Variants in PLEKHM3 observed in about 807,000 individuals in gnomAD.
PLEKHM3 encodes the protein pleckstrin homology domain-containing family M member 3.
Under a neutral mutation model 81.8 loss-of-function variants are expected in PLEKHM3, and 45 were observed. That is an observed-to-expected ratio of 0.55 (90% CI 0.43 to 0.71). PLEKHM3 has a LOEUF of 0.71. Ranked by LOEUF, PLEKHM3 falls within the 30% of genes least tolerant of loss-of-function variation. The pLI is 0.00. For synonymous variants in PLEKHM3, 352 were observed against 356.4 expected, an observed-to-expected ratio of 0.99 and a Z score of 0.14; for missense variants, 788 against 924.3, an observed-to-expected ratio of 0.85 and a Z score of 1.91.
chr2:207,901,403 C>T (rs1209296630), intron 6 of PLEKHM3: 4 of 698,520 alleles, frequency 5.7e-6, no homozygotes, highest in South Asian at 3.0e-5. Flanking sequence ...GGCCCCATCA[C>T]CAAAACACCA....
In PLEKHM3 at chr2:207,845,802, G is replaced by GTT. The variant is rs1485995853; in HGVS notation, c.2108+15302_2108+15303insAA. On this transcript the variant is annotated intron_variant, in intron 7 of 7. Coordinates refer to ENST00000427836, the MANE Select transcript of PLEKHM3 (RefSeq NM_001080475.3). ...CAGTTACTAAGTGTTGTCTTAGATG[G>GTT]AGCAGTGAGCAAAATATAAAAAGTC... Among the ~76,000 whole-genome samples the GTT allele has an allele frequency of 1.0e-3, 159 of 152,270 alleles. 1 individual carries two copies. The highest frequency in any genetic ancestry group is 3.8e-3 in the African/African-American group (156 of 41,544).
chr2:207,898,492 G>A (rs1483888559), intron 6 of PLEKHM3, among the ~76,000 whole-genome samples: 2 of 152,268 alleles, frequency 1.3e-5, no homozygotes, highest in East Asian at 1.9e-4. Context: ...GCTGGCTCAC[G>A]CCTGTAATCC....
At chr2:207,915,975 C>T (rs1045118261) in intron 5 of PLEKHM3, among the ~76,000 whole-genome samples, 10 of 152,180 alleles carry the variant, frequency 6.6e-5, no homozygotes, top group Admixed American at 1.3e-4. Flanking sequence ...GCTGCAAACT[C>T]TTCCTGAAAT....
intron 5 of PLEKHM3, among the ~76,000 whole-genome samples, chr2:207,916,980 T>A (rs971844578): frequency 1.3e-5 from 2 of 152,192 alleles, no homozygotes; most frequent in Non-Finnish European, 2.9e-5. Flanking sequence ...TTTACAGTGC[T>A]GATATTGGTA....
chr2:207,982,866 C>T (rs1320896782), intron 2 of PLEKHM3, among the ~76,000 whole-genome samples: 1 of 152,082 alleles, frequency 6.6e-6, no homozygotes, highest in Non-Finnish European at 1.5e-5. Context: ...GCATGAGCCA[C>T]CGCGCCCGGC....
chr2:207,997,236 G>A (rs1203938979), intron 2 of PLEKHM3, among the ~76,000 whole-genome samples: 1 of 152,064 alleles, frequency 6.6e-6, no homozygotes. Flanking sequence ...TCATTATACC[G>A]GAGCCCAATT....
chr2:207,923,905 ATTTTTT>A (rs869041855), intron 5 of PLEKHM3, among the ~76,000 whole-genome samples: 4 of 28,334 alleles, frequency 1.4e-4, no homozygotes, highest in African/African-American at 5.0e-4. Flanking sequence ...ATATATATAT[ATTTTTT>A]TTTTTTTTTT....
chr2:207,977,770 G>A (rs780739028), intron 2 of PLEKHM3, among the ~76,000 whole-genome samples, 184 bp from the exon 3 acceptor site: 4 of 152,096 alleles, frequency 2.6e-5, no homozygotes, highest in Non-Finnish European at 2.9e-5. Flanking sequence ...AGAAATAGCC[G>A]GGGAAATCTC....
At chr2:207,844,525 C>T (rs1330938489) in intron 7 of PLEKHM3, among the ~76,000 whole-genome samples, 2 of 150,754 alleles carry the variant, frequency 1.3e-5, no homozygotes, top group Non-Finnish European at 3.0e-5. Flanking sequence ...CCAGGATGGT[C>T]TCGATCTCCT....
chr2:207,855,166 G>C (rs2092431247), intron 7 of PLEKHM3, among the ~76,000 whole-genome samples: 1 of 152,016 alleles, frequency 6.6e-6, no homozygotes, highest in African/African-American at 2.4e-5. Flanking sequence ...TAAGTAAGAC[G>C]ATCCTGGTGC....
At chr2:207,844,303 C>CTTTTT (rs377510756) in intron 7 of PLEKHM3, among the ~76,000 whole-genome samples, 1 of 125,072 alleles carries the variant, frequency 8.0e-6, no homozygotes, top group South Asian at 2.5e-4. Context: ...ATTTATTTTT[C>CTTTTT]TTTTTTTTTT....
chr2:207,922,751 G>T (rs923729644), intron 5 of PLEKHM3, among the ~76,000 whole-genome samples: 1 of 151,902 alleles, frequency 6.6e-6, no homozygotes, highest in African/African-American at 2.4e-5. Flanking sequence ...GGCAGAACTC[G>T]CAGTGAGCAG....
intron 5 of PLEKHM3, among the ~76,000 whole-genome samples, chr2:207,913,991 A>C (rs1688899335): frequency 1.3e-5 from 2 of 151,746 alleles, no homozygotes; most frequent in Non-Finnish European, 2.9e-5. Flanking sequence ...GCACACACAC[A>C]CCCCACACAC....
At position 208,005,978 on chromosome 2, in the gene PLEKHM3, G is replaced by C. The variant is rs558038399; in HGVS notation, c.-318-4021C>G. Reference sequence around the variant, plus strand: ...TGTCCAAATTGGGACAAAAGCATAAGAGCCCTTCCTAGTCGGTCAGGCTCT... The same window carrying C: ...TGTCCAAATTGGGACAAAAGCATAACAGCCCTTCCTAGTCGGTCAGGCTCT... On this transcript the variant is annotated intron_variant, in intron 1 of 7. Transcript: ENST00000427836. 7.2e-5 allele frequency among the ~76,000 whole-genome samples: 11 copies of C among 152,168 alleles called. 1 individual carries two copies. In the South Asian group the frequency reaches 2.3e-3, roughly 32 times the overall value.
chr2:207,912,081 G>A (rs1045737027), intron 5 of PLEKHM3, among the ~76,000 whole-genome samples: 1 of 152,154 alleles, frequency 6.6e-6, no homozygotes, highest in Non-Finnish European at 1.5e-5. Context: ...AAGGCATCGT[G>A]CTACGTGCTG....
intron 7 of PLEKHM3, among the ~76,000 whole-genome samples, chr2:207,858,172 G>GTA (rs1245720060): frequency 5.2e-5 from 4 of 77,296 alleles, no homozygotes; most frequent in African/African-American, 1.5e-4. Context: ...GTGTGTGTGT[G>GTA]TGTATATATT....
At chr2:207,835,790 C>CT (rs1442640997) in intron 7 of PLEKHM3, among the ~76,000 whole-genome samples, 2 of 152,026 alleles carry the variant, frequency 1.3e-5, no homozygotes, top group South Asian at 2.1e-4. Flanking sequence ...TTAAGGGTTC[C>CT]TTTTTTAGCC....
At position 207,976,585 on chromosome 2, in the gene PLEKHM3, T is replaced by C. The variant is rs770464719; in HGVS notation, c.1546+66A>G. On this transcript the variant is annotated intron_variant, in intron 3 of 7. Transcript: ENST00000427836. The surrounding 1 kb of genome is among the most constrained non-coding windows in gnomAD (Gnocchi z 4.1). ...TAGCCTATTAAGGGGATTTTTAAAG[T>C]GAATTCCAATTGTGGGGTTCAGGAT... 29 of 1,466,426 alleles carry C rather than the reference T, an allele frequency of 2.0e-5. No homozygotes were observed. Among genetic ancestry groups the C allele is most frequent in the Non-Finnish European group, 2.6e-5 (28 of 1,086,548 alleles). The allele number at this position is 1,466,426 out of a possible 1,614,324, so 90.8% of individuals were successfully genotyped here.
intron 4 of PLEKHM3, among the ~76,000 whole-genome samples, chr2:207,940,469 C>A (rs1235912686): frequency 2.0e-5 from 3 of 152,162 alleles, no homozygotes; most frequent in Non-Finnish European, 4.4e-5. Context: ...GAAACTGACA[C>A]CAAGAGTCTA....
Sources: allele counts gnomAD v4.1 joint callset (sites outside exome capture counted in the v4.1 genomes callset), GRCh38; gene constraint gnomAD v4.1.1; non-coding constraint Gnocchi (gnomAD v3.1); transcripts MANE v1.5; gene names NCBI Gene and HGNC (gene_info 2026-07-23, HGNC 2026-07-21).